The following SYNE1 variants were observed in gnomAD, a reference collection of about 807,000 sequenced individuals.
The protein encoded by SYNE1 is nesprin-1.
In SYNE1, 616 loss-of-function variants were observed where a neutral mutation model predicts 1,111.0. The observed-to-expected ratio is 0.55, with a 90% CI of 0.52 to 0.59. SYNE1 has a LOEUF of 0.59. Ranked by LOEUF, SYNE1 falls within the 20% of genes least tolerant of loss-of-function variation. SYNE1 has a pLI of 0.00. For missense variants in SYNE1, 10,006 were observed against 10,417.0 expected (o/e 0.96, Z 1.72); for synonymous variants, 3,855 against 3,825.8 (o/e 1.01, Z -0.28).
chr6:152,164,067 C>T (rs2063104516), intron 131 of SYNE1, 96 bp downstream of exon 131: 2 of 1,540,084 alleles, frequency 1.3e-6, no homozygotes, highest in South Asian at 1.1e-5. Context: ...TGCTGACCTT[C>T]CATCTCCAGG....
chr6:152,585,110 G>A (rs974310064), intron 3 of SYNE1, among the ~76,000 whole-genome samples: 2 of 151,884 alleles, frequency 1.3e-5, no homozygotes, highest in Non-Finnish European at 2.9e-5. Context: ...TGAGAGTTGA[G>A]GGTTTTATGA....
At chr6:152,526,367 AT>A (rs1323595721) in intron 4 of SYNE1, among the ~76,000 whole-genome samples, 192 bp from the exon 5 acceptor site, 1 of 152,200 alleles carries the variant, frequency 6.6e-6, no homozygotes, top group African/African-American at 2.4e-5. Context: ...TCCAGTGGAG[AT>A]AAAACTCGAT....
At chr6:152,154,488 C>T (rs910820316) in intron 133 of SYNE1, among the ~76,000 whole-genome samples, 3 of 137,356 alleles carry the variant, frequency 2.2e-5, no homozygotes, top group Non-Finnish European at 4.6e-5. Flanking sequence ...ACACACACTG[C>T]GATTAGGTAA....
chr6:152,149,934 T>A (rs912746495), intron 135 of SYNE1, among the ~76,000 whole-genome samples: 5 of 152,194 alleles, frequency 3.3e-5, no homozygotes, highest in Non-Finnish European at 5.9e-5. Flanking sequence ...TCACAGGTAG[T>A]GTGGGTAGAG....
chr6:152,440,530 C>A (rs1337681723), intron 32 of SYNE1, among the ~76,000 whole-genome samples: 1 of 150,998 alleles, frequency 6.6e-6, no homozygotes, highest in Non-Finnish European at 1.5e-5. Flanking sequence ...GTTTTACTGA[C>A]CTTTAAGGTT....
intron 34 of SYNE1, 181 bp downstream of exon 34, chr6:152,433,614 C>G: frequency 3.1e-6 from 2 of 640,184 alleles, no homozygotes; most frequent in South Asian, 4.1e-5. Flanking sequence ...ATAATTCCAA[C>G]TATAAATGTT....
intron 3 of SYNE1, among the ~76,000 whole-genome samples, chr6:152,590,496 T>C (rs1406431837): frequency 6.6e-6 from 1 of 151,954 alleles, no homozygotes; most frequent in East Asian, 1.9e-4. Context: ...ACAAATGTAA[T>C]TTATATTTAC....
chr6:152,283,053 C>T (rs188789782), intron 96 of SYNE1, among the ~76,000 whole-genome samples: 1 of 152,190 alleles, frequency 6.6e-6, no homozygotes, highest in African/African-American at 2.4e-5. Flanking sequence ...CTGTAAAGGT[C>T]TTTAGGGAGC....
chr6:152,252,649 G>A (rs1337242439), intron 104 of SYNE1, among the ~76,000 whole-genome samples: 1 of 152,164 alleles, frequency 6.6e-6, no homozygotes, highest in Non-Finnish European at 1.5e-5. Context: ...ATACCAAGGT[G>A]TTTGGTGCAA....
At chr6:152,469,720 AG>A (rs2098794402) in intron 16 of SYNE1, among the ~76,000 whole-genome samples, 1 of 152,162 alleles carries the variant, frequency 6.6e-6, no homozygotes, top group African/African-American at 2.4e-5. Flanking sequence ...CTTAAGCTCA[AG>A]GGCTTTTGAT....
chr6:152,605,066 GAGGGAGGAAAGAAGGAAGGA>G (rs2099610741), intron 3 of SYNE1, among the ~76,000 whole-genome samples: 2 of 53,678 alleles, frequency 3.7e-5, no homozygotes, highest in African/African-American at 8.7e-5. Context: ...GGGAGGGAGG[GAGGGAGGAAAGAAGGAAGGA>G]AGGAAGGAAG....
At chr6:152,507,825 G>A (rs2099065988) in intron 8 of SYNE1, among the ~76,000 whole-genome samples, 1 of 152,158 alleles carries the variant, frequency 6.6e-6, no homozygotes, top group African/African-American at 2.4e-5. Flanking sequence ...CTGATAATAT[G>A]TATTGATAGT....
intron 10 of SYNE1, among the ~76,000 whole-genome samples, chr6:152,499,862 C>T (rs1472803302): frequency 6.6e-6 from 1 of 152,086 alleles, no homozygotes; most frequent in Non-Finnish European, 1.5e-5. Flanking sequence ...TTTTAACGAC[C>T]AGAATTTATT....
intron 6 of SYNE1, among the ~76,000 whole-genome samples, chr6:152,519,399 C>T (rs1383451029): frequency 6.6e-6 from 1 of 151,880 alleles, no homozygotes; most frequent in Non-Finnish European, 1.5e-5. Context: ...AATTATGAGC[C>T]AATATTAAAA....
At chr6:152,426,006 T>C (rs913109241) in intron 38 of SYNE1, among the ~76,000 whole-genome samples, 1 of 152,174 alleles carries the variant, frequency 6.6e-6, no homozygotes, top group Admixed American at 6.5e-5. Context: ...TGTTCTGCCT[T>C]TCTATTTAGA....
rs747404069 is a variant in SYNE1, at chr6:152,430,556, G to A, written c.4615C>T (p.His1539Tyr). 3 of 1,614,124 alleles carry A rather than the reference G, an allele frequency of 1.9e-6. No individual in the cohort carries two copies. Among genetic ancestry groups the A allele is most frequent in the Non-Finnish European group, 2.5e-6 (3 of 1,180,002 alleles). ...ATTGTTCCTTCCAGACACTGTGCAT[G>A]CTCTCGAAGCTCTTCCCCGTATCTT... ...IRRYGEELREHAQCLEGTILG... is the reference protein window; with the variant it reads ...IRRYGEELREYAQCLEGTILG... The change falls in exon 35 of 146, where the codon CAT becomes TAT. Residue 1539 changes from histidine to tyrosine, a missense_variant. His to Tyr is a moderately conservative substitution (Grantham distance 83). Transcript: ENST00000367255.
intron 28 of SYNE1, 135 bp downstream of exon 28, chr6:152,449,398 G>A: frequency 1.4e-6 from 1 of 715,562 alleles, no homozygotes; most frequent in South Asian, 1.6e-5. Context: ...TAATATAAGG[G>A]GACTTATTTT....
rs1042274520 is a variant in SYNE1, at chr6:152,122,404, A to C, written c.*32T>G. 5.0e-6 allele frequency: 8 copies of C among 1,613,764 alleles called. No homozygotes were observed. The highest frequency in any genetic ancestry group is 1.7e-5 in the Admixed American group (1 of 60,010). ...CTTATGACCCGATCCTCCTTATGCT[A>C]CCAGCACTTCTGCAGATGGCATCTG... On this transcript the variant is annotated 3_prime_UTR_variant, in exon 146 of 146. Transcript: ENST00000367255.
chr6:152,289,925 C>CTTCT (rs2094517906), intron 95 of SYNE1, among the ~76,000 whole-genome samples: 1 of 130,000 alleles, frequency 7.7e-6, no homozygotes, highest in Non-Finnish European at 1.6e-5. Flanking sequence ...CGCGCCCAGC[C>CTTCT]TTTTTTTTTT....
Sources: gnomAD v4.1 joint callset for allele counts (sites outside exome capture counted in the v4.1 genomes callset) on GRCh38, gnomAD v4.1.1 for gene constraint, MANE v1.5 for transcripts, NCBI Gene and HGNC (gene_info 2026-07-23, HGNC 2026-07-21) for gene names.